GLRA2: variants seen among roughly 807,000 people sequenced by gnomAD.
The protein encoded by GLRA2 is glycine receptor subunit alpha-2.
In GLRA2, 11 loss-of-function variants were observed where a neutral mutation model predicts 31.6. That is an observed-to-expected ratio of 0.35 (90% CI 0.22 to 0.58). GLRA2 has a LOEUF of 0.58. GLRA2 is among the 20% of genes least tolerant of loss of function. The pLI, the probability that GLRA2 is intolerant of heterozygous loss-of-function variation, is 0.84. For missense variants in GLRA2, 212 were observed against 351.8 expected (o/e 0.60, Z 3.18); for synonymous variants, 132 against 134.0 (o/e 0.99, Z 0.10).
chrX:14,649,991 C>A (rs2090871862), intron 7 of GLRA2, among the ~76,000 whole-genome samples: 1 of 111,590 alleles, frequency 9.0e-6, no homozygotes, highest in African/African-American at 3.3e-5. Flanking sequence ...AATATTCAAG[C>A]CCAGGTAGTA....
At chrX:14,603,567 G>T (rs2090301250) in intron 4 of GLRA2, among the ~76,000 whole-genome samples, 1 of 111,442 alleles carries the variant, frequency 9.0e-6, no homozygotes, top group African/African-American at 3.3e-5. Flanking sequence ...TTAAATCTAA[G>T]ACCTAAAACT....
At chrX:14,685,009 A>G (rs1318647620) in intron 7 of GLRA2, among the ~76,000 whole-genome samples, 1 of 111,510 alleles carries the variant, frequency 9.0e-6, no homozygotes, top group Admixed American at 9.5e-5. Flanking sequence ...TAATTTATTG[A>G]GAGTTTTTAG....
intron 4 of GLRA2, among the ~76,000 whole-genome samples, chrX:14,586,967 G>T (rs766126203): frequency 9.0e-6 from 1 of 111,528 alleles, no homozygotes; most frequent in African/African-American, 3.3e-5. Context: ...TGATAAGGAC[G>T]TCACAATGGA....
At chrX:14,668,700 G>A (rs1437097004) in intron 7 of GLRA2, among the ~76,000 whole-genome samples, 2 of 111,804 alleles carry the variant, frequency 1.8e-5, no homozygotes, top group African/African-American at 3.2e-5. Flanking sequence ...ATCACATGTC[G>A]TGAGACTTAT....
intron 7 of GLRA2, among the ~76,000 whole-genome samples, chrX:14,631,416 T>C (rs766301987): frequency 2.7e-5 from 3 of 111,551 alleles, no homozygotes; most frequent in Non-Finnish European, 5.7e-5. Context: ...CTCTTAATCA[T>C]GTGTGTTAAT....
At chrX:14,687,818 T>G (rs902799387) in intron 7 of GLRA2, among the ~76,000 whole-genome samples, 13 of 112,735 alleles carry the variant, frequency 1.2e-4, no homozygotes, top group African/African-American at 3.2e-4. Flanking sequence ...GTCATTCTCC[T>G]TCCAGCTTTG....
the GLRA2 span, among the ~76,000 whole-genome samples, chrX:14,498,909 C>T: frequency 2.7e-5 from 3 of 111,914 alleles, no homozygotes; most frequent in Admixed American, 1.9e-4. Flanking sequence ...ATAATGACCT[C>T]CAGTTCCAAC....
chrX:14,452,698 G>A, the GLRA2 span, among the ~76,000 whole-genome samples: 1 of 84,546 alleles, frequency 1.2e-5, no homozygotes. Context: ...ACTGAGAAGT[G>A]GGGGGATTAG....
At chrX:14,499,079 G>A in the GLRA2 span, among the ~76,000 whole-genome samples, 8 of 112,102 alleles carry the variant, frequency 7.1e-5, no homozygotes, top group African/African-American at 2.6e-4. Context: ...ACATAGGAGT[G>A]CAAATATCTC....
In GLRA2 at chrX:14,576,771, C is replaced by T. The variant is rs1255842661; in HGVS notation, c.270+2371C>T. Among the ~76,000 whole-genome samples, 22 of 111,823 alleles carry T rather than the reference C, an allele frequency of 2.0e-4. No homozygotes were observed. The Admixed American group carries it at 2.0e-3, about 10-fold the overall frequency. ...ACTTCCTGGCCACTTATTTAGTGACCTTTGTCATGCTTCCTGCCAGAAAAT... is the reference window on the plus strand; with the variant it reads ...ACTTCCTGGCCACTTATTTAGTGACTTTTGTCATGCTTCCTGCCAGAAAAT... On this transcript the variant is annotated intron_variant, in intron 3 of 8. Coordinates refer to ENST00000218075, the MANE Select transcript of GLRA2 (RefSeq NM_002063.4).
the GLRA2 span, among the ~76,000 whole-genome samples, chrX:14,450,875 T>G: frequency 3.3e-4 from 37 of 111,619 alleles, no homozygotes; most frequent in Admixed American, 2.5e-3. Context: ...CACACCCAGC[T>G]AATTTTTGTA....
chrX:14,553,034 C>G (rs2089587485), intron 2 of GLRA2, among the ~76,000 whole-genome samples: 1 of 111,981 alleles, frequency 8.9e-6, no homozygotes, highest in Admixed American at 9.5e-5. Context: ...CAAGTGTGAA[C>G]TCAACTATGA....
chrX:14,537,252 T>G (rs2089338291), intron 2 of GLRA2, among the ~76,000 whole-genome samples: 1 of 111,862 alleles, frequency 8.9e-6, no homozygotes, highest in Non-Finnish European at 1.9e-5. Flanking sequence ...AGAATGTCCC[T>G]AAAAGATACA....
the GLRA2 span, among the ~76,000 whole-genome samples, chrX:14,510,401 G>GA: frequency 9.0e-6 from 1 of 111,579 alleles, no homozygotes; most frequent in Non-Finnish European, 1.9e-5. Context: ...TGGCTGAGCT[G>GA]AATTGTAAGC....
At chrX:14,722,289 T>G (rs2147258593) in intron 8 of GLRA2, among the ~76,000 whole-genome samples, 1 of 111,312 alleles carries the variant, frequency 9.0e-6, no homozygotes, top group East Asian at 2.8e-4. Flanking sequence ...GCATCATTCT[T>G]TCTTCATGTA....
At chrX:14,686,860 G>C (rs1023661453) in intron 7 of GLRA2, among the ~76,000 whole-genome samples, 5 of 111,779 alleles carry the variant, frequency 4.5e-5, no homozygotes, top group Non-Finnish European at 9.4e-5. Context: ...CTGTCATTAT[G>C]ATGTTAGCTG....
At chrX:14,513,453 A>G in the GLRA2 span, among the ~76,000 whole-genome samples, 1 of 112,237 alleles carries the variant, frequency 8.9e-6, no homozygotes, top group East Asian at 2.8e-4. Context: ...CTGCACAGCA[A>G]AATAATCAGC....
At chrX:14,659,390 ATATT>A (rs2090970543) in intron 7 of GLRA2, among the ~76,000 whole-genome samples, 1 of 112,413 alleles carries the variant, frequency 8.9e-6, no homozygotes, top group South Asian at 3.6e-4. Flanking sequence ...TTACCATACT[ATATT>A]TACCAATCTA....
chrX:14,677,983 A>T (rs2091161888), intron 7 of GLRA2, among the ~76,000 whole-genome samples: 1 of 111,976 alleles, frequency 8.9e-6, no homozygotes, highest in Non-Finnish European at 1.9e-5. Context: ...GCATAATAGG[A>T]TGTTTAGAAG....
Sources: allele counts gnomAD v4.1 joint callset (sites outside exome capture counted in the v4.1 genomes callset), GRCh38; gene constraint gnomAD v4.1.1; transcripts MANE v1.5; gene names NCBI Gene and HGNC (gene_info 2026-07-23, HGNC 2026-07-21).